Variants in BCAS3 observed in about 807,000 individuals in gnomAD.
BCAS3 encodes the protein BCAS4/BCAS3 fusion.
In BCAS3, 53 loss-of-function variants were observed where a neutral mutation model predicts 116.1. The ratio of observed to expected loss-of-function variants is 0.46; its 90% CI spans 0.37 to 0.57. The LOEUF (loss-of-function observed/expected upper bound fraction) is 0.57, where lower values mean the gene tolerates loss of function less well. Among genes scored for constraint, BCAS3 ranks in the 20% least tolerant of loss-of-function variants. The probability of loss-of-function intolerance (pLI) is 0.00; values close to 1 mark genes in which losing one functional copy is unlikely to be tolerated. For synonymous variants in BCAS3, 391 were observed against 408.2 expected (o/e 0.96, Z 0.51); for missense variants, 917 against 1,165.4 (o/e 0.79, Z 3.10).
chr17:60,865,371 T>C (rs543521808), intron 7 of BCAS3, among the ~76,000 whole-genome samples: 2 of 152,296 alleles, frequency 1.3e-5, no homozygotes, highest in Admixed American at 6.5e-5. Context: ...ATAGATCAGT[T>C]TGGGGAGACT....
At chr17:60,853,201 A>G (rs1418265278) in intron 7 of BCAS3, among the ~76,000 whole-genome samples, 1 of 152,260 alleles carries the variant, frequency 6.6e-6, no homozygotes, top group Non-Finnish European at 1.5e-5. Context: ...ATTGTACTGT[A>G]TGATTCTAAC....
rs769133578 is a variant in BCAS3, at chr17:60,951,764, C to CT, written c.1221+4434dup. 6.1e-3 allele frequency among the ~76,000 whole-genome samples: 673 copies of CT among 109,508 alleles called. 4 individuals carry two copies. The highest frequency in any genetic ancestry group is 8.2e-3 in the South Asian group (29 of 3,524). The allele number at this position is 109,508 out of a possible 152,430, so 71.8% of individuals were successfully genotyped here. A position where few individuals can be genotyped will look rare whatever the true frequency, so the allele number is the denominator to read the frequency against. On this transcript the variant is annotated intron_variant, in intron 14 of 23. Coordinates refer to ENST00000407086, the MANE Select transcript of BCAS3 (RefSeq NM_017679.5). ...AGGGTCTTGGCATTTTCTTTTCTTT[C>CT]TTTTTTTTTTTTTTTTTTTTTTCTT...
chr17:61,331,287 C>G (rs187878099), intron 22 of BCAS3, among the ~76,000 whole-genome samples: 10 of 152,122 alleles, frequency 6.6e-5, no homozygotes, highest in African/African-American at 2.4e-4. Flanking sequence ...TTTCCTTTCA[C>G]AAAGCATGTG....
At position 61,313,491 on chromosome 17, in the gene BCAS3, C is replaced by G. The variant is rs2054488797; in HGVS notation, c.2426-54836C>G. ...AGCGGGTAAGAGTAGAAAAGAATTG[C>G]TGATCTCAAGCATTTTGTTACCAGA... On this transcript the variant is annotated intron_variant, in intron 22 of 23. Coordinates refer to ENST00000407086, the MANE Select transcript of BCAS3 (RefSeq NM_017679.5). This position sits in a 1 kb window ranked among gnomAD's most constrained non-coding sequence, Gnocchi z 4.3. Among the ~76,000 whole-genome samples the G allele has an allele frequency of 6.6e-6, 1 of 152,224 alleles. No homozygotes were observed. The highest frequency in any genetic ancestry group is 2.4e-5 in the African/African-American group (1 of 41,462).
rs1006652028 is a variant in BCAS3 at position 61,128,916 on chromosome 17, C to A, written c.2425+44352C>A. On this transcript the variant is annotated intron_variant, in intron 22 of 23. Coordinates refer to ENST00000407086, the MANE Select transcript of BCAS3 (RefSeq NM_017679.5). This position sits in a 1 kb window ranked among gnomAD's most constrained non-coding sequence, Gnocchi z 4.1. Reference sequence around the variant, plus strand: ...ATTAAATTACTTCCTAAGTCACTTCCGGATGTCAGGCCTAAGGTGGAGAGG... The same window carrying A: ...ATTAAATTACTTCCTAAGTCACTTCAGGATGTCAGGCCTAAGGTGGAGAGG... Among the ~76,000 whole-genome samples, 1 of 152,172 alleles carries A rather than the reference C, an allele frequency of 6.6e-6. No homozygotes were observed. Among genetic ancestry groups the A allele is most frequent in the South Asian group, 2.1e-4 (1 of 4,836 alleles).
At position 61,126,978 on chromosome 17, in the gene BCAS3, G is replaced by A. The variant is rs1047536966; in HGVS notation, c.2425+42414G>A. Among the ~76,000 whole-genome samples, 3 of 151,982 alleles carry A rather than the reference G, an allele frequency of 2.0e-5. No homozygotes were observed. Among genetic ancestry groups the A allele is most frequent in the South Asian group, 2.1e-4 (1 of 4,826 alleles). On this transcript the variant is annotated intron_variant, in intron 22 of 23. Coordinates refer to ENST00000407086, the MANE Select transcript of BCAS3 (RefSeq NM_017679.5). This position sits in a 1 kb window ranked among gnomAD's most constrained non-coding sequence, Gnocchi z 4.6. ...GAACGCCCAAGGTTATACACCCTTC[G>A]TCACAGGCACTTAAGTTTTAGATTG...
intron 19 of BCAS3, among the ~76,000 whole-genome samples, chr17:61,054,988 A>G (rs1321428422): frequency 1.3e-5 from 2 of 152,186 alleles, no homozygotes; most frequent in Non-Finnish European, 2.9e-5. Flanking sequence ...TCCTGATGTC[A>G]TTTATGCTAT....
chr17:61,015,781 A>G lies in BCAS3; in HGVS notation c.1517A>G (p.Asn506Ser), dbSNP rs755808494. 9.9e-6 allele frequency: 16 copies of G among 1,613,678 alleles called. No homozygotes were observed. The Admixed American group carries it at 2.5e-4, about 25-fold the overall frequency. ...CTGAACAGCCAAGACTCCTATAACA[A>G]TTTTACCAACAACAACCCTGGCAAC... The part of the protein sequence containing the change: ...GKLNSQDSYN[N>S]FTNNNPGNPR... The change falls in exon 16 of 24, where the codon AAT (asparagine) becomes AGT (serine). Residue 506 changes from asparagine (N) to serine (S), a missense_variant. Physicochemically the swap from Asn to Ser is conservative, Grantham distance 46 (BLOSUM62 1). This residue lies in a region of BCAS3 where 807 missense variants were observed against 1,026.0 expected (regional missense o/e 0.79). Transcript: ENST00000407086.
chr17:60,961,599 T>G lies in BCAS3; in HGVS notation c.1221+14247T>G, dbSNP rs1811308899. Reference sequence around the variant, plus strand: ...TTTCTATACCATATCAAATTTCTCCTTTTTTATACTTAAAAAAATATACAT... The same window carrying G: ...TTTCTATACCATATCAAATTTCTCCGTTTTTATACTTAAAAAAATATACAT... On this transcript the variant is annotated intron_variant, in intron 14 of 23. Transcript: ENST00000407086. The surrounding 1 kb of genome is among the most constrained non-coding windows in gnomAD (Gnocchi z 4.8). 6.6e-6 allele frequency among the ~76,000 whole-genome samples: 1 copy of G among 152,154 alleles called. No homozygotes were observed. The highest frequency in any genetic ancestry group is 2.1e-4 in the South Asian group (1 of 4,826).
chr17:61,115,268 C>T (rs1360326704), intron 22 of BCAS3, among the ~76,000 whole-genome samples: 2 of 152,146 alleles, frequency 1.3e-5, no homozygotes, highest in African/African-American at 4.8e-5. Flanking sequence ...AGAGCTTCTG[C>T]ACAGCAAAAG....
chr17:60,879,793 G>A (rs2055948727), intron 9 of BCAS3, among the ~76,000 whole-genome samples: 1 of 152,134 alleles, frequency 6.6e-6, no homozygotes, highest in Non-Finnish European at 1.5e-5. Flanking sequence ...ATAACAAATA[G>A]AACAAATGGA....
chr17:61,384,508 A>G (rs1275046211), intron 23 of BCAS3: 1 of 152,248 alleles, frequency 6.6e-6, no homozygotes, highest in African/African-American at 2.4e-5. Context: ...CATTTGGCAC[A>G]TCTGTGACAG....
At chr17:60,775,727 A>C (rs935397464) in intron 6 of BCAS3, among the ~76,000 whole-genome samples, 1 of 152,236 alleles carries the variant, frequency 6.6e-6, no homozygotes, top group Non-Finnish European at 1.5e-5. Flanking sequence ...CCGTGTGTGC[A>C]AAGGAATGAT....
chr17:61,010,049 C>T (rs571142153), intron 15 of BCAS3, among the ~76,000 whole-genome samples: 10 of 148,178 alleles, frequency 6.7e-5, no homozygotes, highest in Non-Finnish European at 7.4e-5. Context: ...TTCTTTTGTC[C>T]GGAGTTTTCA....
intron 15 of BCAS3, among the ~76,000 whole-genome samples, chr17:61,011,176 A>C (rs529506412): frequency 3.9e-5 from 6 of 152,194 alleles, no homozygotes; most frequent in African/African-American, 1.4e-4. Flanking sequence ...ATAGTAAAGA[A>C]AGGTTAGTGA....
rs1402708884 is a variant in BCAS3 at position 61,180,097 on chromosome 17, T to C, written c.2425+95533T>C. Among the ~76,000 whole-genome samples the C allele has an allele frequency of 3.3e-5, 5 of 152,190 alleles. No individual in the cohort carries two copies. The highest frequency in any genetic ancestry group is 2.1e-4 in the South Asian group (1 of 4,818). On this transcript the variant is annotated intron_variant, in intron 22 of 23. Coordinates refer to ENST00000407086, the MANE Select transcript of BCAS3 (RefSeq NM_017679.5). This position sits in a 1 kb window ranked among gnomAD's most constrained non-coding sequence, Gnocchi z 6.0. Reference sequence around the variant, plus strand: ...GTTTCTATGTAATTAATTCCTGGTATTGAGATATTTTGGAGTCCGAGACCA... The same window carrying C: ...GTTTCTATGTAATTAATTCCTGGTACTGAGATATTTTGGAGTCCGAGACCA...
intron 13 of BCAS3, 24 bp downstream of exon 13, chr17:60,924,524 T>TG: frequency 6.5e-7 from 1 of 1,534,198 alleles, no homozygotes; most frequent in South Asian, 1.2e-5. Context: ...CTGTCTTTTT[T>TG]TTTTTTTTTT....
intron 9 of BCAS3, among the ~76,000 whole-genome samples, chr17:60,877,328 ATC>A (rs2055708827): frequency 6.6e-6 from 1 of 152,112 alleles, no homozygotes. Context: ...CCTCTTGAGT[ATC>A]TCTCTCGTAT....
rs539490885 is a variant in BCAS3 at position 60,703,916 on chromosome 17, C to CA, written c.215-5291dup. The stretch of plus-strand genomic sequence containing the variant: ...TGGGCAACGAAGACAGACACCGTCT[C>CA]AAAAAAAAAAAAGAAAAAAAGAAAA... On this transcript the variant is annotated intron_variant, in intron 4 of 23. Coordinates refer to ENST00000407086, the MANE Select transcript of BCAS3 (RefSeq NM_017679.5). Among the ~76,000 whole-genome samples, 627 of 71,108 alleles carry CA rather than the reference C, an allele frequency of 8.8e-3. 3 individuals are homozygous for CA. The highest frequency in any genetic ancestry group is 0.011 in the African/African-American group (172 of 15,460). The allele number at this position is 71,108 out of a possible 152,430, so 46.6% of individuals were successfully genotyped here.
Sources: gnomAD v4.1 joint callset for allele counts (sites outside exome capture counted in the v4.1 genomes callset) on GRCh38, gnomAD v4.1.1 for gene constraint, gnomAD v4.1.1 regional missense constraint, Gnocchi (gnomAD v3.1) non-coding constraint, MANE v1.5 for transcripts, NCBI Gene and HGNC (gene_info 2026-07-23, HGNC 2026-07-21) for gene names.